LOXL2: variants seen among roughly 807,000 people sequenced by gnomAD.
LOXL2 encodes the protein lysyl oxidase homolog 2.
A neutral mutation model predicts 93.0 loss-of-function variants in LOXL2; 70 were observed. That is an observed-to-expected ratio of 0.75 (90% CI 0.62 to 0.92). The LOEUF (loss-of-function observed/expected upper bound fraction) is 0.92, where lower values mean the gene tolerates loss of function less well. LOXL2 is among the 40% of genes least tolerant of loss of function. The probability of loss-of-function intolerance (pLI) is 0.00; values close to 1 mark genes in which losing one functional copy is unlikely to be tolerated. For synonymous variants in LOXL2, 438 were observed against 413.2 expected (o/e 1.06, Z -0.73); for missense variants, 973 against 1,054.9 (o/e 0.92, Z 1.08).
intron 6 of LOXL2, 115 bp from the exon 7 acceptor site, chr8:23,322,396 C>T: frequency 1.2e-6 from 1 of 836,898 alleles, no homozygotes; most frequent in Non-Finnish European, 1.9e-6. Context: ...ACTCTCCCCA[C>T]TGCCTCTTGT....
intron 1 of LOXL2, among the ~76,000 whole-genome samples, chr8:23,403,485 C>G (rs1002103174): frequency 2.0e-5 from 3 of 152,168 alleles, no homozygotes; most frequent in Non-Finnish European, 4.4e-5. Context: ...TCCGTCCCAG[C>G]CCAGCACGCT....
chr8:23,323,085 T>G (rs4872106), intron 6 of LOXL2, among the ~76,000 whole-genome samples: 110,389 of 152,164 alleles, frequency 0.73, 40,204 homozygotes, highest in Non-Finnish European at 0.76. Flanking sequence ...ACCAATATTA[T>G]CAGGCAGGAG....
chr8:23,388,449 T>C (rs1804795399), intron 1 of LOXL2, among the ~76,000 whole-genome samples: 2 of 151,824 alleles, frequency 1.3e-5, no homozygotes, highest in South Asian at 2.1e-4. Flanking sequence ...CTGGGCATGG[T>C]AGCAAATGCC....
chr8:23,322,890 A>C (rs1803518284), intron 6 of LOXL2, among the ~76,000 whole-genome samples: 1 of 152,216 alleles, frequency 6.6e-6, no homozygotes, highest in Admixed American at 6.5e-5. Flanking sequence ...CCTGCCCCGA[A>C]GAGCTCCCAG....
At position 23,302,073 on chromosome 8, in the gene LOXL2, T is replaced by A. The variant is rs1197317581; in HGVS notation, c.2087A>T (p.Gln696Leu). 6.2e-7 allele frequency: 1 copy of A among 1,614,000 alleles called. No individual in the cohort carries two copies. The highest frequency in any genetic ancestry group is 1.3e-5 in the African/African-American group (1 of 74,912). Reference sequence around the variant, plus strand: ...GGGCACGTCAGTGATGTCAACCCACTGGCAGTCGATGTCATGGCGGTACAT... The same window carrying A: ...GGGCACGTCAGTGATGTCAACCCACAGGCAGTCGATGTCATGGCGGTACAT... ...WDMYRHDIDC[Q>L]WVDITDVPPG... The change falls in exon 12 of 14, where the codon CAG becomes CTG. Residue 696 changes from glutamine (Q) to leucine (L), a missense_variant. Coordinates refer to ENST00000389131, the MANE Select transcript of LOXL2 (RefSeq NM_002318.3).
rs377338034 is a variant in LOXL2 at position 23,356,379 on chromosome 8, T to C, written c.531+3711A>G. 2.0e-3 allele frequency among the ~76,000 whole-genome samples: 309 copies of C among 152,366 alleles called. 10 individuals are homozygous for C. In the Middle Eastern group the frequency reaches 0.034, roughly 17 times the overall value. On this transcript the variant is annotated intron_variant, in intron 3 of 13. Transcript: ENST00000389131. The stretch of plus-strand genomic sequence containing the variant: ...TAGCTGGGAGGAATGATCCTATGAC[T>C]TCAGCTACTGATACAGGCCATTCCA...
intron 10 of LOXL2, among the ~76,000 whole-genome samples, chr8:23,305,515 C>G (rs1290925255): frequency 6.6e-6 from 1 of 151,680 alleles, no homozygotes. Flanking sequence ...CCACACCCCC[C>G]GCCCACCAGC....
At position 23,303,262 on chromosome 8, in the gene LOXL2, C is replaced by T. The variant is rs950591743; in HGVS notation, c.1996+20G>A. ...TCGAGTCCCTCTGAGGCCTCCCATC[C>T]CCCCACTCCGCTCAGATACCTCCTT... On this transcript the variant is annotated intron_variant, in intron 11 of 13. Transcript: ENST00000389131. The T allele has an allele frequency of 6.6e-7, 1 of 1,506,540 alleles. No individual in the cohort carries two copies. Among genetic ancestry groups the T allele is most frequent in the East Asian group, 2.3e-5 (1 of 44,362 alleles). 93.3% of individuals were successfully genotyped at this position (1,506,540 alleles called of 1,614,324 possible).
chr8:23,298,202 C>A, intron 13 of LOXL2, 80 bp from the exon 14 acceptor site: 8 of 1,073,912 alleles, frequency 7.4e-6, no homozygotes, highest in Non-Finnish European at 1.1e-5. Flanking sequence ...GGGGAGTGGG[C>A]CTCAGGGGCT....
chr8:23,402,794 T>G (rs1026196451), intron 1 of LOXL2: 2 of 150,324 alleles, frequency 1.3e-5, no homozygotes, highest in East Asian at 3.9e-4. Flanking sequence ...AAAAAAAAAG[T>G]ATTGTTTTTG....
rs143494916 is a variant in LOXL2, at chr8:23,320,023, G to A, written c.1332C>T (p.Tyr444=). 96 of 1,613,938 alleles carry A rather than the reference G, an allele frequency of 5.9e-5. 2 individuals are homozygous for A. The South Asian group carries it at 8.2e-4, about 14-fold the overall frequency. ...CCACCAGCACCTCCACTCGGCCCTC[G>A]TAGGGATTGCGGCCGCCGTTCAGGC... is the stretch of plus-strand genomic sequence containing the variant. The part of the protein sequence containing the change: ...KLRLNGGRNP[Y]EGRVEVLVER... Residue 444 remains tyrosine, a synonymous_variant, in exon 8 of 14, where the codon TAC becomes TAT. Coordinates refer to ENST00000389131, the MANE Select transcript of LOXL2 (RefSeq NM_002318.3).
At chr8:23,380,438 T>C (rs1804666661) in intron 1 of LOXL2, among the ~76,000 whole-genome samples, 1 of 151,030 alleles carries the variant, frequency 6.6e-6, no homozygotes. Flanking sequence ...GATTTGTATA[T>C]CTGTAAACTG....
intron 1 of LOXL2, chr8:23,385,756 T>A (rs893554879): frequency 3.6e-5 from 21 of 581,942 alleles, no homozygotes; most frequent in Admixed American, 1.8e-4. Context: ...GTAGCCACTT[T>A]CCAAAAGTAG....
At chr8:23,340,957 C>A in intron 4 of LOXL2, 35 bp downstream of exon 4, 6 of 1,569,478 alleles carry the variant, frequency 3.8e-6, no homozygotes, top group Non-Finnish European at 3.5e-6. Context: ...AGGGCGGATA[C>A]CCTCAAAGCC....
In LOXL2 at chr8:23,297,725, G is replaced by GCCGTAGCAT; in HGVS notation, c.*317_*318insATGCTACGG. On this transcript the variant is annotated 3_prime_UTR_variant, in exon 14 of 14. Transcript: ENST00000389131. ...GTGTCTGTGGTGAGCTCGGTGGCTT[G>GCCGTAGCAT]AATGGGACAAGCTGATGACAACCTG... 8.8e-6 allele frequency: 2 copies of GCCGTAGCAT among 227,458 alleles called. No homozygotes were observed. The highest frequency in any genetic ancestry group is 1.2e-4 in the South Asian group (1 of 8,230). 14.1% of individuals were successfully genotyped at this position (227,458 alleles called of 1,614,324 possible). A position where few individuals can be genotyped will look rare whatever the true frequency, so the allele number is the denominator to read the frequency against.
At chr8:23,367,522 G>A (rs778447341) in intron 2 of LOXL2, among the ~76,000 whole-genome samples, 3 of 152,002 alleles carry the variant, frequency 2.0e-5, no homozygotes, top group Non-Finnish European at 4.4e-5. Flanking sequence ...AAGGTGGGGG[G>A]CGTCAGGGAG....
intron 6 of LOXL2, among the ~76,000 whole-genome samples, chr8:23,322,551 G>C (rs1270588722): frequency 2.0e-5 from 3 of 152,156 alleles, no homozygotes; most frequent in South Asian, 2.1e-4. Flanking sequence ...CTGAATACCA[G>C]TTTTCTCTCA....
intron 2 of LOXL2, among the ~76,000 whole-genome samples, chr8:23,361,600 T>C (rs1804291555): frequency 6.6e-6 from 1 of 152,118 alleles, no homozygotes; most frequent in African/African-American, 2.4e-5. Context: ...CCCAGCACTT[T>C]TGGAGGCCAA....
chr8:23,346,871 G>A (rs139388345), intron 3 of LOXL2, among the ~76,000 whole-genome samples: 45 of 152,312 alleles, frequency 3.0e-4, no homozygotes, highest in African/African-American at 1.1e-3. Flanking sequence ...GGACAATGCT[G>A]GGAAGACATA....
Sources: allele counts gnomAD v4.1 joint callset (sites outside exome capture counted in the v4.1 genomes callset), GRCh38; gene constraint gnomAD v4.1.1; transcripts MANE v1.5; gene names NCBI Gene and HGNC (gene_info 2026-07-23, HGNC 2026-07-21).